The following DACH2 variants were observed in gnomAD, a reference collection of about 807,000 sequenced individuals.
DACH2 encodes the protein dachshund homolog 2.
Under a neutral mutation model 35.8 loss-of-function variants are expected in DACH2, and 17 were observed. The observed-to-expected ratio is 0.48, with a 90% CI of 0.33 to 0.71. The LOEUF (loss-of-function observed/expected upper bound fraction) is 0.71, where lower values mean the gene tolerates loss of function less well. Ranked by LOEUF, DACH2 falls within the 30% of genes least tolerant of loss-of-function variation. The pLI, the probability that DACH2 is intolerant of heterozygous loss-of-function variation, is 0.02. For synonymous variants in DACH2, 195 were observed against 177.3 expected, an observed-to-expected ratio of 1.10 and a Z score of -0.79; for missense variants, 469 against 472.7, an observed-to-expected ratio of 0.99 and a Z score of 0.07.
intron 3 of DACH2, among the ~76,000 whole-genome samples, chrX:86,532,288 T>A (rs1475981103): frequency 9.0e-6 from 1 of 111,412 alleles, no homozygotes; most frequent in Non-Finnish European, 1.9e-5. Flanking sequence ...GGGCATGAGA[T>A]TTGAGAAGGG....
At chrX:86,254,933 G>A (rs2033488591) in intron 1 of DACH2, among the ~76,000 whole-genome samples, 1 of 106,254 alleles carries the variant, frequency 9.4e-6, no homozygotes, top group Admixed American at 1.0e-4. Flanking sequence ...GTTGAAAAAT[G>A]CACATAGAGG....
At chrX:86,434,718 C>T (rs1202082532) in intron 2 of DACH2, among the ~76,000 whole-genome samples, 2 of 111,224 alleles carry the variant, frequency 1.8e-5, no homozygotes, top group Non-Finnish European at 3.8e-5. Context: ...CTGTATTAGT[C>T]CATTCTTGCA....
intron 1 of DACH2, among the ~76,000 whole-genome samples, chrX:86,227,319 A>G (rs1199688544): frequency 2.7e-5 from 3 of 111,828 alleles, no homozygotes; most frequent in African/African-American, 6.5e-5. Flanking sequence ...TTAGTTTTCT[A>G]CTTGTATAAA....
intron 2 of DACH2, among the ~76,000 whole-genome samples, chrX:86,468,748 C>G (rs1221273412): frequency 9.0e-6 from 1 of 111,392 alleles, no homozygotes; most frequent in Non-Finnish European, 1.9e-5. Flanking sequence ...TCAACAAAGC[C>G]TATTGTGGGG....
intron 1 of DACH2, among the ~76,000 whole-genome samples, chrX:86,251,455 T>C (rs975908039): frequency 9.0e-6 from 1 of 110,630 alleles, no homozygotes; most frequent in Non-Finnish European, 1.9e-5. Context: ...CAGTATACAC[T>C]GAACCCAGTT....
intron 2 of DACH2, among the ~76,000 whole-genome samples, chrX:86,391,610 T>G (rs2036204130): frequency 9.0e-6 from 1 of 111,552 alleles, no homozygotes; most frequent in African/African-American, 3.3e-5. Flanking sequence ...TAAGCTTTTG[T>G]AAGGATAAAA....
chrX:86,300,431 C>CA (rs2034552352), intron 1 of DACH2, among the ~76,000 whole-genome samples: 1 of 104,040 alleles, frequency 9.6e-6, no homozygotes, highest in Admixed American at 1.1e-4. Context: ...ATCGCAAGGA[C>CA]AAAAAACCAA....
chrX:86,346,427 TA>T (rs11358443), intron 1 of DACH2, among the ~76,000 whole-genome samples: 14,366 of 109,409 alleles, frequency 0.13, 2,417 homozygotes, highest in African/African-American at 0.45. Flanking sequence ...TCCATGTCAT[TA>T]AAAAAAATTG....
intron 3 of DACH2, among the ~76,000 whole-genome samples, chrX:86,529,844 A>G (rs1323359825): frequency 9.1e-6 from 1 of 109,875 alleles, no homozygotes; most frequent in Non-Finnish European, 1.9e-5. Flanking sequence ...TAAATAAGCT[A>G]TGGCTTATAT....
At chrX:86,536,744 T>C (rs747368232) in intron 3 of DACH2, among the ~76,000 whole-genome samples, 2 of 111,935 alleles carry the variant, frequency 1.8e-5, no homozygotes, top group Admixed American at 9.5e-5. Flanking sequence ...ATGTCTTTCC[T>C]GTAACATCTG....
At chrX:86,637,369 A>G (rs2040286519) in intron 3 of DACH2, among the ~76,000 whole-genome samples, 2 of 109,492 alleles carry the variant, frequency 1.8e-5, no homozygotes, top group Non-Finnish European at 3.8e-5. Context: ...AAAATATACT[A>G]TTCAACTCAA....
chrX:86,207,565 A>C (rs917221975), intron 1 of DACH2, among the ~76,000 whole-genome samples: 1 of 111,514 alleles, frequency 9.0e-6, no homozygotes, highest in Non-Finnish European at 1.9e-5. Flanking sequence ...AAATAAAATA[A>C]AAATAAAAAT....
chrX:86,520,101 G>A (rs765197338), intron 3 of DACH2, among the ~76,000 whole-genome samples: 2 of 111,529 alleles, frequency 1.8e-5, no homozygotes, highest in East Asian at 2.8e-4. Context: ...CTGGTGTGTT[G>A]TGTCTTTGTT....
chrX:86,649,587 A>G (rs2040454676), intron 3 of DACH2, among the ~76,000 whole-genome samples: 1 of 111,389 alleles, frequency 9.0e-6, no homozygotes, highest in South Asian at 3.7e-4. Flanking sequence ...GTACAAATGT[A>G]TATCATCAGT....
chrX:86,385,639 T>TG (rs2036112257), intron 2 of DACH2, among the ~76,000 whole-genome samples: 1 of 111,216 alleles, frequency 9.0e-6, no homozygotes. Flanking sequence ...TTTGTATCTT[T>TG]GGGGGTCCTG....
chrX:86,457,211 C>T (rs1435216081), intron 2 of DACH2, among the ~76,000 whole-genome samples: 1 of 111,769 alleles, frequency 8.9e-6, no homozygotes, highest in Non-Finnish European at 1.9e-5. Context: ...AAGAATGAGT[C>T]ATCACAGCAG....
At chrX:86,494,936 A>G (rs1261557162) in intron 2 of DACH2, among the ~76,000 whole-genome samples, 1 of 112,958 alleles carries the variant, frequency 8.9e-6, no homozygotes, top group Non-Finnish European at 1.9e-5. Flanking sequence ...GTAAAAAGAA[A>G]CAGGTGAAAT....
chrX:86,724,838 G>T (rs928656275), intron 6 of DACH2, among the ~76,000 whole-genome samples: 1 of 110,353 alleles, frequency 9.1e-6, no homozygotes, highest in Admixed American at 9.7e-5. Context: ...AAGTTTGGTT[G>T]CTTTATGTAC....
At chrX:86,535,954 C>T (rs377591756) in intron 3 of DACH2, among the ~76,000 whole-genome samples, 26 of 111,125 alleles carry the variant, frequency 2.3e-4, no homozygotes, top group East Asian at 2.3e-3. Flanking sequence ...CTTGCAGCGG[C>T]ACGGCAAAGG....
Sources: gnomAD v4.1 joint callset for allele counts (sites outside exome capture counted in the v4.1 genomes callset) on GRCh38, gnomAD v4.1.1 for gene constraint, MANE v1.5 for transcripts, NCBI Gene and HGNC (gene_info 2026-07-23, HGNC 2026-07-21) for gene names.